WWOX: variants seen among roughly 807,000 people sequenced by gnomAD.
The protein encoded by WWOX is WW domain-containing oxidoreductase.
Under a neutral mutation model 46.2 loss-of-function variants are expected in WWOX, and 69 were observed. The observed-to-expected ratio is 1.49, with a 90% CI of 1.23 to 1.82. The LOEUF (loss-of-function observed/expected upper bound fraction) is 1.82. Ranked by LOEUF, WWOX falls within the 40% of genes most tolerant of loss-of-function variation. WWOX has a pLI of 0.00. For synonymous variants in WWOX, 359 were observed against 202.6 expected (o/e 1.77, Z -6.56); for missense variants, 919 against 542.6 (o/e 1.69, Z -6.89).
chr16:78,709,132 C>T (rs959466536), intron 8 of WWOX, among the ~76,000 whole-genome samples: 2 of 152,160 alleles, frequency 1.3e-5, no homozygotes, highest in African/African-American at 4.8e-5. Flanking sequence ...CCTCCTCGTT[C>T]TCTAAATCCA....
intron 8 of WWOX, among the ~76,000 whole-genome samples, chr16:78,547,277 T>G (rs1322498763): frequency 6.6e-6 from 1 of 151,948 alleles, no homozygotes; most frequent in African/African-American, 2.4e-5. Flanking sequence ...GTACATCAGC[T>G]CTTTCAAATT....
chr16:78,615,385 A>C (rs2045998538), intron 8 of WWOX, among the ~76,000 whole-genome samples: 2 of 152,124 alleles, frequency 1.3e-5, no homozygotes, highest in Admixed American at 1.3e-4. Context: ...GCAGCACCTC[A>C]CACCTGTAAT....
chr16:78,404,905 G>A (rs2082491704), intron 6 of WWOX, among the ~76,000 whole-genome samples: 1 of 152,184 alleles, frequency 6.6e-6, no homozygotes, highest in Admixed American at 6.5e-5. Flanking sequence ...ACCAAGGAAT[G>A]AGACCTGCAT....
chr16:78,290,251 G>A (rs75261600), intron 5 of WWOX, among the ~76,000 whole-genome samples: 8,559 of 151,642 alleles, frequency 0.056, 492 homozygotes, highest in Admixed American at 0.17. Flanking sequence ...CTCTGCGAGC[G>A]GACATGTCGA....
intron 8 of WWOX, among the ~76,000 whole-genome samples, chr16:78,689,596 C>G (rs1400042810): frequency 6.6e-6 from 1 of 152,160 alleles, no homozygotes; most frequent in African/African-American, 2.4e-5. Context: ...TCACCCTTGC[C>G]TGCCTTCAGC....
intron 8 of WWOX, among the ~76,000 whole-genome samples, chr16:78,630,891 G>A (rs949650203): frequency 6.6e-6 from 1 of 152,052 alleles, no homozygotes; most frequent in Non-Finnish European, 1.5e-5. Flanking sequence ...CCTCTCTCTG[G>A]GTTCTACATA....
At chr16:78,768,786 G>C (rs2049989912) in intron 8 of WWOX, among the ~76,000 whole-genome samples, 1 of 152,036 alleles carries the variant, frequency 6.6e-6, no homozygotes, top group Non-Finnish European at 1.5e-5. Context: ...GGGTCTTTTT[G>C]TGGAACGAGA....
chr16:78,406,308 ATATAT>A (rs2082534916), intron 6 of WWOX, among the ~76,000 whole-genome samples: 1 of 20,194 alleles, frequency 5.0e-5, no homozygotes, highest in South Asian at 1.3e-3. Context: ...ATATAAATAT[ATATAT>A]ATATATATAT....
At chr16:79,099,320 A>G (rs1426627888) in intron 8 of WWOX, among the ~76,000 whole-genome samples, 3 of 152,200 alleles carry the variant, frequency 2.0e-5, no homozygotes, top group African/African-American at 4.8e-5. Context: ...CATAGTGACT[A>G]TGATATATCT....
At chr16:79,074,148 T>C (rs7206237) in intron 8 of WWOX, among the ~76,000 whole-genome samples, 81,910 of 151,826 alleles carry the variant, frequency 0.54, 22,520 homozygotes, top group East Asian at 0.69. Flanking sequence ...CAGTTAGAGT[T>C]CGAGCAGGCA....
intron 8 of WWOX, among the ~76,000 whole-genome samples, chr16:78,602,198 A>G (rs1408359759): frequency 6.6e-6 from 1 of 152,048 alleles, no homozygotes; most frequent in Non-Finnish European, 1.5e-5. Context: ...GTATTTTCCC[A>G]TTCGTATTTT....
chr16:78,904,488 C>T (rs1176817476), intron 8 of WWOX, among the ~76,000 whole-genome samples: 1 of 151,968 alleles, frequency 6.6e-6, no homozygotes, highest in Non-Finnish European at 1.5e-5. Flanking sequence ...CTGCCTGCCC[C>T]AGCCTCCCAA....
At chr16:78,144,986 A>G (rs548996107) in intron 4 of WWOX, among the ~76,000 whole-genome samples, 1 of 152,240 alleles carries the variant, frequency 6.6e-6, no homozygotes, top group South Asian at 2.1e-4. Flanking sequence ...AGATGAGGAA[A>G]TTGAGGTTCA....
rs531851286 is a variant in WWOX, at chr16:78,762,799, A to G, written c.1056+330047A>G. ...GTTACTTAACCTCTCTGGCCTCAGTATCTGTATCTGTAATATGGGGAATCA... is the reference window on the plus strand; with the variant it reads ...GTTACTTAACCTCTCTGGCCTCAGTGTCTGTATCTGTAATATGGGGAATCA... On this transcript the variant is annotated intron_variant, in intron 8 of 8. Transcript: ENST00000566780. Among the ~76,000 whole-genome samples, 3 of 152,328 alleles carry G rather than the reference A, an allele frequency of 2.0e-5. No individual in the cohort carries two copies. The South Asian group carries it at 6.2e-4, about 32-fold the overall frequency.
chr16:78,887,137 T>TAC (rs2044481514), intron 8 of WWOX, among the ~76,000 whole-genome samples: 1 of 141,874 alleles, frequency 7.0e-6, no homozygotes, highest in African/African-American at 2.6e-5. Flanking sequence ...TGTGTGTGTA[T>TAC]ACCTAGTCTA....
intron 8 of WWOX, among the ~76,000 whole-genome samples, chr16:78,779,202 T>G (rs190437973): frequency 5.2e-4 from 79 of 152,338 alleles, no homozygotes; most frequent in Admixed American, 1.3e-3. Context: ...TGGAGTGCAG[T>G]GGCATGATCT....
rs779414659 is a variant in WWOX, at chr16:78,507,695, A to G, written c.1056+74943A>G. Reference sequence around the variant, plus strand: ...ATTGCACCTCTTGGCATGCGTTCTTACCTGTTGAGGATTTGCTTGAATTAT... The same window carrying G: ...ATTGCACCTCTTGGCATGCGTTCTTGCCTGTTGAGGATTTGCTTGAATTAT... On this transcript the variant is annotated intron_variant, in intron 8 of 8. Coordinates refer to ENST00000566780, the MANE Select transcript of WWOX (RefSeq NM_016373.4). 3.2e-4 allele frequency among the ~76,000 whole-genome samples: 48 copies of G among 152,188 alleles called. No homozygotes were observed. In the Middle Eastern group the frequency reaches 0.027, roughly 86 times the overall value.
chr16:78,615,891 C>G (rs961297179), intron 8 of WWOX, among the ~76,000 whole-genome samples: 32 of 151,914 alleles, frequency 2.1e-4, no homozygotes, highest in Non-Finnish European at 8.8e-5. Context: ...GTTGGGACTA[C>G]AGGCGCCCGC....
At chr16:78,155,420 A>T (rs1489061505) in intron 4 of WWOX, among the ~76,000 whole-genome samples, 1 of 152,166 alleles carries the variant, frequency 6.6e-6, no homozygotes, top group Non-Finnish European at 1.5e-5. Flanking sequence ...AGGTATTTAA[A>T]TTACTTTGCA....
Sources: allele counts gnomAD v4.1 joint callset (sites outside exome capture counted in the v4.1 genomes callset), GRCh38; gene constraint gnomAD v4.1.1; transcripts MANE v1.5; gene names NCBI Gene and HGNC (gene_info 2026-07-23, HGNC 2026-07-21).